DYNC2I1: variants seen among roughly 807,000 people sequenced by gnomAD.
DYNC2I1 encodes the protein cytoplasmic dynein 2 intermediate chain 1.
DYNC2I1 carries 89 observed loss-of-function variants against 133.4 expected under a neutral mutation model. The observed-to-expected ratio is 0.67, with a 90% CI of 0.56 to 0.80. The LOEUF is 0.80. DYNC2I1 is among the 30% of genes least tolerant of loss of function. The pLI is 0.00. For missense variants in DYNC2I1, 1,291 were observed against 1,314.5 expected (o/e 0.98, Z 0.28); for synonymous variants, 504 against 484.3 (o/e 1.04, Z -0.54).
rs759151004 is a variant in DYNC2I1 at position 158,942,123 on chromosome 7, G to T, written c.2977G>T (p.Ala993Ser). The T allele has an allele frequency of 6.4e-7, 1 of 1,563,570 alleles. No individual in the cohort carries two copies. Among genetic ancestry groups the T allele is most frequent in the South Asian group, 1.2e-5 (1 of 83,564 alleles). ...CCTCCAGAGCGATCTGGGTCCTGTC[G>T]CCAAACAGCAGGTCTCCCCCAACAG... ...DLLQSDLGPV[A>S]KQQVSPNRLV... The change falls in exon 24 of 25, where the codon GCC (alanine) becomes TCC (serine). Residue 993 changes from alanine to serine, a missense_variant. By Grantham distance (99) the Ala-to-Ser change is moderately conservative (BLOSUM62 1). Transcript: ENST00000407559.
downstream of DYNC2I1, among the ~76,000 whole-genome samples, chr7:158,946,857 C>T (rs1405178297): frequency 6.6e-6 from 1 of 152,194 alleles, no homozygotes; most frequent in Non-Finnish European, 1.5e-5. Flanking sequence ...TAGGTCTTCT[C>T]ACTGGGGCAC....
intron 1 of DYNC2I1, among the ~76,000 whole-genome samples, chr7:158,862,672 A>AT (rs1188590785): frequency 6.6e-6 from 1 of 151,706 alleles, no homozygotes; most frequent in Non-Finnish European, 1.5e-5. Context: ...GTGAGCTATG[A>AT]TAGCACTGTG....
intron 24 of DYNC2I1, among the ~76,000 whole-genome samples, chr7:158,944,573 G>C (rs1026523133): frequency 6.6e-6 from 1 of 152,206 alleles, no homozygotes; most frequent in African/African-American, 2.4e-5. Flanking sequence ...CTCATGGTCT[G>C]CCCCTTTTGG....
chr7:158,848,291 G>A, the DYNC2I1 span, among the ~76,000 whole-genome samples: 1 of 152,108 alleles, frequency 6.6e-6, no homozygotes, highest in Admixed American at 6.6e-5. Flanking sequence ...TAAACCATGT[G>A]GGACTGGATT....
chr7:158,945,642 G>C lies in DYNC2I1; in HGVS notation c.3064G>C (p.Val1022Leu), dbSNP rs1234091184. ...EKAGGSFLAL[V>L]LARASGSIDI... Reference sequence around the variant, plus strand: ...GGCTGGTGGCAGCTTCCTGGCCCTGGTGCTGGCCAGGGCGTCTGGCTCCAT... The same window carrying C: ...GGCTGGTGGCAGCTTCCTGGCCCTGCTGCTGGCCAGGGCGTCTGGCTCCAT... Residue 1022 changes from valine (V) to leucine (L), a missense_variant, in exon 25 of 25, where the codon GTG becomes CTG. By Grantham distance (32) the Val-to-Leu change is conservative (BLOSUM62 1). Coordinates refer to ENST00000407559, the MANE Select transcript of DYNC2I1 (RefSeq NM_018051.5). The surrounding 1 kb of genome is among the most constrained non-coding windows in gnomAD (Gnocchi z 4.1). 6.2e-7 allele frequency: 1 copy of C among 1,611,868 alleles called. No individual in the cohort carries two copies. Among genetic ancestry groups the C allele is most frequent in the Non-Finnish European group, 8.5e-7 (1 of 1,179,228 alleles).
intron 1 of DYNC2I1, among the ~76,000 whole-genome samples, chr7:158,867,682 T>C (rs534941165): frequency 6.6e-6 from 1 of 152,216 alleles, no homozygotes; most frequent in East Asian, 1.9e-4. Context: ...GTCCTCACGC[T>C]CTCTGAAGGT....
At chr7:158,883,382 AT>A (rs201088546) in intron 5 of DYNC2I1, among the ~76,000 whole-genome samples, 366 of 134,642 alleles carry the variant, frequency 2.7e-3, no homozygotes, top group Middle Eastern at 4.0e-3. Flanking sequence ...GCTTATTATT[AT>A]TTTTTTTTTT....
At chr7:158,879,539 C>T (rs1843782381) in intron 4 of DYNC2I1, 145 bp from the exon 5 acceptor site, 3 of 785,916 alleles carry the variant, frequency 3.8e-6, no homozygotes, top group South Asian at 2.3e-5. Context: ...AAAGTCTGTA[C>T]ATGTTTACTA....
At chr7:158,857,912 T>C (rs1014216229) in intron 1 of DYNC2I1, among the ~76,000 whole-genome samples, 1 of 150,438 alleles carries the variant, frequency 6.6e-6, no homozygotes, top group Non-Finnish European at 1.5e-5. Flanking sequence ...TGCCTCAGCC[T>C]CCCGAGTAGC....
intron 7 of DYNC2I1, among the ~76,000 whole-genome samples, chr7:158,889,873 T>C (rs1355902023): frequency 1.3e-5 from 2 of 151,788 alleles, no homozygotes; most frequent in African/African-American, 2.4e-5. Flanking sequence ...GGTGTGGTGG[T>C]GGCCTCCTGT....
intron 11 of DYNC2I1, among the ~76,000 whole-genome samples, chr7:158,910,687 C>T (rs1218924613): frequency 1.4e-5 from 2 of 141,280 alleles, no homozygotes; most frequent in South Asian, 2.3e-4. Flanking sequence ...GCTCGTGGGC[C>T]GATCACTATT....
intron 15 of DYNC2I1, among the ~76,000 whole-genome samples, chr7:158,921,425 A>G (rs1000752660): frequency 3.3e-5 from 5 of 152,224 alleles, no homozygotes; most frequent in African/African-American, 1.2e-4. Context: ...AAATCGCTAC[A>G]CCGTGGAAGA....
chr7:158,939,162 GC>G (rs1851077924), intron 23 of DYNC2I1, among the ~76,000 whole-genome samples: 1 of 152,086 alleles, frequency 6.6e-6, no homozygotes, highest in Admixed American at 6.5e-5. Context: ...GGGTGCTGGG[GC>G]TTATGCCTAT....
intron 7 of DYNC2I1, among the ~76,000 whole-genome samples, chr7:158,888,508 G>T (rs111985587): frequency 3.2e-4 from 48 of 151,866 alleles, no homozygotes; most frequent in African/African-American, 1.1e-3. Flanking sequence ...GTCTCACTCT[G>T]TTGCCCAGGC....
chr7:158,876,486 G>A (rs1316847856), intron 3 of DYNC2I1, 123 bp from the exon 4 acceptor site: 5 of 1,269,474 alleles, frequency 3.9e-6, no homozygotes, highest in Non-Finnish European at 5.2e-6. Context: ...TTTAGTTGAA[G>A]AATATTTTCA....
intron 1 of DYNC2I1, among the ~76,000 whole-genome samples, chr7:158,859,142 C>G (rs1295940211): frequency 1.3e-5 from 2 of 148,966 alleles, no homozygotes; most frequent in African/African-American, 5.0e-5. Flanking sequence ...ACTACAGGTG[C>G]GAGCTACCAT....
the DYNC2I1 span, among the ~76,000 whole-genome samples, chr7:158,847,653 G>T: frequency 6.6e-6 from 1 of 152,180 alleles, no homozygotes; most frequent in Non-Finnish European, 1.5e-5. Flanking sequence ...TCATCCCTTG[G>T]TTATTGTTTT....
In DYNC2I1 at chr7:158,913,085, T is replaced by G. The variant is rs533457830; in HGVS notation, c.1691T>G (p.Val564Gly). 1 of 1,612,352 alleles carries G rather than the reference T, an allele frequency of 6.2e-7. No individual in the cohort carries two copies. Among genetic ancestry groups the G allele is most frequent in the Admixed American group, 1.7e-5 (1 of 59,916 alleles). ...VWTQHPGEST[V>G]VSGGSEQRDT... ...ACCCAGCACCCGGGAGAAAGTACTG[T>G]TGTATCTGGAGGTAACATCTTGCTC... The change falls in exon 13 of 25, where the codon GTT (valine) becomes GGT (glycine). Residue 564 changes from valine (V) to glycine (G), a missense_variant. Physicochemically the swap from Val to Gly is moderately radical, Grantham distance 109 (BLOSUM62 -3). Coordinates refer to ENST00000407559, the MANE Select transcript of DYNC2I1 (RefSeq NM_018051.5).
At chr7:158,839,530 G>A in the DYNC2I1 span, among the ~76,000 whole-genome samples, 2 of 152,126 alleles carry the variant, frequency 1.3e-5, no homozygotes, top group Non-Finnish European at 1.5e-5. Flanking sequence ...TAAAGAGATG[G>A]GGTCTCTGGC....
Sources: allele counts gnomAD v4.1 joint callset (sites outside exome capture counted in the v4.1 genomes callset), GRCh38; gene constraint gnomAD v4.1.1; non-coding constraint Gnocchi (gnomAD v3.1); transcripts MANE v1.5; gene names NCBI Gene and HGNC (gene_info 2026-07-23, HGNC 2026-07-21).